Variants in SPAG16 observed in about 807,000 individuals in gnomAD.
SPAG16 encodes sperm associated antigen 16, also known as sperm-associated antigen 16 protein.
Under a neutral mutation model 80.4 loss-of-function variants are expected in SPAG16, and 86 were observed. The observed-to-expected ratio is 1.07, with a 90% confidence interval of 0.90 to 1.28. SPAG16 has a LOEUF of 1.28. SPAG16 is among the 50% of genes most tolerant of loss of function. The pLI, the probability that SPAG16 is intolerant of heterozygous loss-of-function variation, is 0.00. For synonymous variants in SPAG16, 294 were observed against 265.9 expected (o/e 1.11, Z -1.03); for missense variants, 870 against 765.3 (o/e 1.14, Z -1.61).
At chr2:214,274,918 T>C (rs1389372893) in intron 15 of SPAG16, among the ~76,000 whole-genome samples, 2 of 152,196 alleles carry the variant, frequency 1.3e-5, no homozygotes, top group Non-Finnish European at 2.9e-5. Flanking sequence ...TGTGAATCCA[T>C]CTGGTCCTAA....
chr2:214,323,719 A>T (rs1009222539), intron 15 of SPAG16, among the ~76,000 whole-genome samples: 2 of 152,224 alleles, frequency 1.3e-5, no homozygotes, highest in Admixed American at 6.5e-5. Flanking sequence ...CACTAAACTA[A>T]TAAACAAAAT....
chr2:213,370,306 T>C (rs576741842), intron 8 of SPAG16, among the ~76,000 whole-genome samples: 1 of 152,304 alleles, frequency 6.6e-6, no homozygotes, highest in Non-Finnish European at 1.5e-5. Context: ...ATGGTACAAA[T>C]GTATGCCTGT....
rs182857467 is a variant in SPAG16 at position 213,890,155 on chromosome 2, G to A, written c.1214+27527G>A. ...AAGCAATTTCAAGCCTTATAAACAT[G>A]TTCAAGTTCAGTGAGAAGGACACTT... On this transcript the variant is annotated intron_variant, in intron 11 of 15. Transcript: ENST00000331683. 1.8e-3 allele frequency among the ~76,000 whole-genome samples: 273 copies of A among 152,182 alleles called. 1 individual carries two copies. The highest frequency in any genetic ancestry group is 5.9e-3 in the African/African-American group (245 of 41,554).
chr2:213,676,960 A>G (rs1160873861), intron 10 of SPAG16, among the ~76,000 whole-genome samples: 1 of 151,642 alleles, frequency 6.6e-6, no homozygotes, highest in Non-Finnish European at 1.5e-5. Flanking sequence ...AAGGAATGGT[A>G]CCAGTTCCTC....
intron 10 of SPAG16, among the ~76,000 whole-genome samples, chr2:213,508,365 G>T (rs1351686221): frequency 6.6e-6 from 1 of 152,146 alleles, no homozygotes; most frequent in Non-Finnish European, 1.5e-5. Context: ...GAGGTCAGGA[G>T]ATCGAGACCA....
chr2:214,200,571 G>C (rs530880755), intron 15 of SPAG16, among the ~76,000 whole-genome samples: 2 of 152,006 alleles, frequency 1.3e-5, no homozygotes, highest in Non-Finnish European at 2.9e-5. Context: ...TTACAAAGAG[G>C]GGGAGGTGAG....
intron 12 of SPAG16, among the ~76,000 whole-genome samples, chr2:213,947,162 A>G (rs185803108): frequency 6.6e-4 from 100 of 152,324 alleles, no homozygotes; most frequent in Non-Finnish European, 1.2e-3. Context: ...GAGCATTTAC[A>G]TATAGGTTTT....
chr2:213,524,268 G>A (rs1400776205), intron 10 of SPAG16, among the ~76,000 whole-genome samples: 1 of 152,182 alleles, frequency 6.6e-6, no homozygotes, highest in Non-Finnish European at 1.5e-5. Context: ...AAAAATTGAG[G>A]TTTGGAGACC....
intron 10 of SPAG16, among the ~76,000 whole-genome samples, chr2:213,565,443 A>C (rs917732781): frequency 2.0e-5 from 3 of 152,240 alleles, no homozygotes; most frequent in African/African-American, 7.2e-5. Flanking sequence ...AAAACATAAA[A>C]TATCATTTGT....
chr2:214,049,708 C>A (rs2049536534), intron 13 of SPAG16, among the ~76,000 whole-genome samples: 1 of 152,186 alleles, frequency 6.6e-6, no homozygotes, highest in Non-Finnish European at 1.5e-5. Flanking sequence ...TGCCCCACAG[C>A]CATTGTAAGT....
At chr2:213,678,437 A>G (rs559446639) in intron 10 of SPAG16, among the ~76,000 whole-genome samples, 59 of 152,340 alleles carry the variant, frequency 3.9e-4, no homozygotes, top group African/African-American at 1.4e-3. Flanking sequence ...TAAAGGGGAT[A>G]TCACCACCGA....
chr2:213,393,687 A>AT (rs368815227), intron 9 of SPAG16, among the ~76,000 whole-genome samples: 2,011 of 150,162 alleles, frequency 0.013, 41 homozygotes, highest in African/African-American at 0.045. Context: ...AAATAGTGTC[A>AT]TTTTTTTTTC....
At chr2:213,883,420 A>G (rs943317220) in intron 11 of SPAG16, among the ~76,000 whole-genome samples, 3 of 152,136 alleles carry the variant, frequency 2.0e-5, no homozygotes, top group Non-Finnish European at 2.9e-5. Context: ...GACTTGCTTC[A>G]TGACCAATTA....
At chr2:213,505,247 T>G (rs1181350377) in intron 10 of SPAG16, among the ~76,000 whole-genome samples, 1 of 152,168 alleles carries the variant, frequency 6.6e-6, no homozygotes, top group Admixed American at 6.6e-5. Context: ...CAATTTCAAA[T>G]GTACAATGTC....
chr2:213,377,897 ATATATATTTT>A (rs1262006852), intron 9 of SPAG16, among the ~76,000 whole-genome samples: 2,446 of 89,114 alleles, frequency 0.027, 70 homozygotes, highest in African/African-American at 0.1. Context: ...ATATATATAT[ATATATATTTT>A]TTTTTTTTTT....
At chr2:213,384,439 T>C (rs2067323246) in intron 9 of SPAG16, among the ~76,000 whole-genome samples, 1 of 152,182 alleles carries the variant, frequency 6.6e-6, no homozygotes, top group Non-Finnish European at 1.5e-5. Flanking sequence ...TATTTATTAC[T>C]TAGTCCCTAT....
At chr2:213,782,546 T>C (rs891413097) in intron 10 of SPAG16, among the ~76,000 whole-genome samples, 1 of 152,228 alleles carries the variant, frequency 6.6e-6, no homozygotes, top group Non-Finnish European at 1.5e-5. Flanking sequence ...ATAGCTGTTA[T>C]TCAATAAAGA....
chr2:214,152,749 T>C (rs2056036200), intron 15 of SPAG16, among the ~76,000 whole-genome samples: 1 of 152,052 alleles, frequency 6.6e-6, no homozygotes, highest in Non-Finnish European at 1.5e-5. Context: ...GTGTGAGTCA[T>C]CTCCAATGAT....
At chr2:214,406,190 A>G (rs573899815) in intron 15 of SPAG16, among the ~76,000 whole-genome samples, 1 of 152,310 alleles carries the variant, frequency 6.6e-6, no homozygotes, top group South Asian at 2.1e-4. Context: ...AAGTATTGAA[A>G]GGTTTAAGGT....
Sources: allele counts gnomAD v4.1 joint callset (sites outside exome capture counted in the v4.1 genomes callset), GRCh38; gene constraint gnomAD v4.1.1; transcripts MANE v1.5; gene names NCBI Gene and HGNC (gene_info 2026-07-23, HGNC 2026-07-21).